The following WDPCP variants were observed in gnomAD, a reference collection of about 807,000 sequenced individuals.
The protein encoded by WDPCP is WD repeat containing planar cell polarity effector, also known as WD repeat-containing and planar cell polarity effector protein fritz homolog.
A neutral mutation model predicts 93.1 loss-of-function variants in WDPCP; 71 were observed. The ratio of observed to expected loss-of-function variants is 0.76; its 90% CI spans 0.63 to 0.93. WDPCP has a LOEUF of 0.93. WDPCP is among the 40% of genes least tolerant of loss of function. The probability of loss-of-function intolerance (pLI) is 0.00; values close to 1 mark genes in which losing one functional copy is unlikely to be tolerated. For synonymous variants in WDPCP, 315 were observed against 315.0 expected (o/e 1.00, Z 0.00); for missense variants, 844 against 887.4 (o/e 0.95, Z 0.62).
intron 1 of WDPCP, among the ~76,000 whole-genome samples, chr2:63,511,222 A>G (rs1173106884): frequency 6.6e-6 from 1 of 152,204 alleles, no homozygotes; most frequent in Non-Finnish European, 1.5e-5. Context: ...AAGAACTACA[A>G]ATCACTGCTC....
intron 1 of WDPCP, among the ~76,000 whole-genome samples, chr2:63,569,935 T>C (rs1339953143): frequency 6.6e-6 from 1 of 152,160 alleles, no homozygotes; most frequent in Non-Finnish European, 1.5e-5. Flanking sequence ...TACCTATATA[T>C]AGTTAAAATC....
At chr2:63,656,383 C>T (rs1710166079) in intron 2 of WDPCP, among the ~76,000 whole-genome samples, 1 of 152,136 alleles carries the variant, frequency 6.6e-6, no homozygotes, top group South Asian at 2.1e-4. Flanking sequence ...CAGAAATTCA[C>T]GATTCTTGAG....
At chr2:63,830,710 T>C (rs1331982427), upstream of WDPCP, among the ~76,000 whole-genome samples, 1 of 152,174 alleles carries the variant, frequency 6.6e-6, no homozygotes, top group Non-Finnish European at 1.5e-5. Context: ...CTGGGCTCTA[T>C]AGCACACGTT....
intron 1 of WDPCP, among the ~76,000 whole-genome samples, chr2:63,527,268 C>A (rs1460749697): frequency 6.7e-6 from 1 of 149,552 alleles, no homozygotes; most frequent in South Asian, 2.1e-4. Context: ...ATGTGCACAA[C>A]GTGCAGGTTT....
intron 12 of WDPCP, chr2:63,369,579 CA>C (rs1014895835): frequency 8.9e-6 from 4 of 447,156 alleles, no homozygotes; most frequent in Non-Finnish European, 1.8e-5. Flanking sequence ...TTGTACATCC[CA>C]AATGAAAAAA....
At chr2:63,430,644 G>A (rs1696681624) in intron 9 of WDPCP, among the ~76,000 whole-genome samples, 1 of 152,180 alleles carries the variant, frequency 6.6e-6, no homozygotes, top group African/African-American at 2.4e-5. Flanking sequence ...AGCACTTTGG[G>A]AGGCCGAGGC....
chr2:63,792,903 A>C (rs1182168869), intron 2 of WDPCP, among the ~76,000 whole-genome samples: 1 of 151,960 alleles, frequency 6.6e-6, no homozygotes, highest in African/African-American at 2.4e-5. Context: ...AACATCATAG[A>C]TTCAAATAAC....
chr2:63,349,851 G>C (rs772475560), intron 12 of WDPCP, among the ~76,000 whole-genome samples: 1 of 152,138 alleles, frequency 6.6e-6, no homozygotes, highest in African/African-American at 2.4e-5. Flanking sequence ...AAAAATAGCA[G>C]GATTATTTCA....
intron 15 of WDPCP, among the ~76,000 whole-genome samples, chr2:63,164,778 G>T (rs896971961): frequency 5.3e-5 from 8 of 152,132 alleles, no homozygotes; most frequent in African/African-American, 1.9e-4. Context: ...CAAGAGAGAG[G>T]AATGGAGCAA....
chr2:63,772,641 T>C (rs1300018342), intron 2 of WDPCP, among the ~76,000 whole-genome samples: 2 of 152,068 alleles, frequency 1.3e-5, no homozygotes, highest in East Asian at 3.8e-4. Context: ...TGTTTGATTA[T>C]CAATCAATGT....
intron 13 of WDPCP, among the ~76,000 whole-genome samples, chr2:63,271,294 G>C (rs1309415675): frequency 6.6e-6 from 1 of 152,212 alleles, no homozygotes; most frequent in African/African-American, 2.4e-5. Context: ...CCAGAGACCA[G>C]CCAACCTGGG....
chr2:63,551,905 T>C (rs1705682366), intron 1 of WDPCP, among the ~76,000 whole-genome samples: 1 of 150,616 alleles, frequency 6.6e-6, no homozygotes, highest in Non-Finnish European at 1.5e-5. Context: ...CCTTCTTAAA[T>C]CTTCTTATCC....
chr2:63,338,566 AAAAATATATATATAT>A (rs1477231854), intron 12 of WDPCP, among the ~76,000 whole-genome samples: 18 of 9,914 alleles, frequency 1.8e-3, no homozygotes, highest in South Asian at 6.0e-3. Context: ...AAAAAAAAAA[AAAAATATATATATAT>A]ATATATATAT....
chr2:63,260,149 T>C (rs977688233), intron 13 of WDPCP, among the ~76,000 whole-genome samples: 4 of 152,160 alleles, frequency 2.6e-5, no homozygotes, highest in African/African-American at 7.2e-5. Flanking sequence ...GGTGCAGATA[T>C]GCAGAGAAGC....
At chr2:63,810,263 CT>C in intron 2 of WDPCP, among the ~76,000 whole-genome samples, 1 of 152,310 alleles carries the variant, frequency 6.6e-6, no homozygotes, top group Non-Finnish European at 1.5e-5. Flanking sequence ...ATGTTGACTA[CT>C]TTCAAATATA....
chr2:63,344,849 C>A (rs140529292), intron 12 of WDPCP, among the ~76,000 whole-genome samples: 85 of 152,280 alleles, frequency 5.6e-4, no homozygotes, highest in African/African-American at 1.9e-3. Context: ...CCTCTGGCAC[C>A]AACTAACCAC....
chr2:63,575,455 T>C (rs796282436), intron 1 of WDPCP, among the ~76,000 whole-genome samples: 3,247 of 39,338 alleles, frequency 0.083, 713 homozygotes, highest in Middle Eastern at 0.11. Flanking sequence ...ACACTGTATA[T>C]ACAGTATATA....
intron 17 of WDPCP, among the ~76,000 whole-genome samples, chr2:63,134,222 C>T (rs1486478880): frequency 6.6e-6 from 1 of 152,090 alleles, no homozygotes; most frequent in Non-Finnish European, 1.5e-5. Flanking sequence ...TTTGCCCACC[C>T]CACTTCTGTG....
chr2:63,812,434 G>A (rs575625034), intron 2 of WDPCP, among the ~76,000 whole-genome samples: 30 of 152,244 alleles, frequency 2.0e-4, no homozygotes, highest in African/African-American at 7.0e-4. Flanking sequence ...ACCCACTAAC[G>A]GCATTGCTGG....
Sources: allele counts gnomAD v4.1 joint callset (sites outside exome capture counted in the v4.1 genomes callset), GRCh38; gene constraint gnomAD v4.1.1; transcripts MANE v1.5; gene names NCBI Gene and HGNC (gene_info 2026-07-23, HGNC 2026-07-21).